The following WASF1 variants were observed in gnomAD, a reference collection of about 807,000 sequenced individuals.
WASF1 encodes actin-binding protein WASF1.
A neutral mutation model predicts 50.5 loss-of-function variants in WASF1; 7 were observed. That is an observed-to-expected ratio of 0.14 (90% CI 0.08 to 0.26). The LOEUF (loss-of-function observed/expected upper bound fraction) is 0.26, where lower values mean the gene tolerates loss of function less well. Ranked by LOEUF, WASF1 falls within the 10% of genes least tolerant of loss-of-function variation. The pLI, the probability that WASF1 is intolerant of heterozygous loss-of-function variation, is 1.00. For synonymous variants in WASF1, 205 were observed against 244.0 expected (o/e 0.84, Z 1.49); for missense variants, 470 against 694.7 (o/e 0.68, Z 3.64).
intron 3 of WASF1, among the ~76,000 whole-genome samples, chr6:110,141,209 G>A (rs1027325571): frequency 6.6e-6 from 1 of 151,910 alleles, no homozygotes; most frequent in South Asian, 2.1e-4. Flanking sequence ...TTGTTGTCAG[G>A]GTAAAGTCCA....
intron 6 of WASF1, 61 bp downstream of exon 6, chr6:110,108,467 T>C: frequency 6.7e-7 from 1 of 1,490,474 alleles, no homozygotes; most frequent in Admixed American, 2.0e-5. Context: ...GTTTGGGGAT[T>C]TAGCATTTCA....
Position 110,124,226 on chromosome 6 carries a change from C to CTCTCTCTCTCT in WASF1, c.133+3242_133+3243insAGAGAGAGAGA, listed in dbSNP as rs1195590873. 2.0e-4 allele frequency among the ~76,000 whole-genome samples: 12 copies of CTCTCTCTCTCT among 60,606 alleles called. 1 individual carries two copies. In the East Asian group the frequency reaches 2.4e-3, roughly 12 times the overall value. 39.8% of individuals were successfully genotyped at this position (60,606 alleles called of 152,430 possible). On this transcript the variant is annotated intron_variant, in intron 4 of 10. Coordinates refer to ENST00000392589, the MANE Select transcript of WASF1 (RefSeq NM_003931.3). Reference sequence around the variant, plus strand: ...CTCTCTCTCTCTCTCTCCTCTCTCTCCTCTCTCTCCTCTCTCTCTCTCTCT... The same window carrying CTCTCTCTCTCT: ...CTCTCTCTCTCTCTCTCCTCTCTCTCTCTCTCTCTCTCTCTCTCTCCTCTCTCTCTCTCTCT...
intron 2 of WASF1, among the ~76,000 whole-genome samples, chr6:110,175,286 G>C (rs935079894): frequency 2.0e-5 from 3 of 151,978 alleles, no homozygotes; most frequent in Non-Finnish European, 4.4e-5. Context: ...AGGAAACAAA[G>C]GAAACAATCC....
At chr6:110,144,882 T>C (rs1479965408) in intron 3 of WASF1, among the ~76,000 whole-genome samples, 2 of 152,188 alleles carry the variant, frequency 1.3e-5, no homozygotes, top group African/African-American at 4.8e-5. Context: ...TAGTTTGAAG[T>C]CAGGTAGCGT....
chr6:110,160,568 G>C (rs533845015), intron 3 of WASF1, 67 bp downstream of exon 3: 1 of 151,712 alleles, frequency 6.6e-6, no homozygotes, highest in Non-Finnish European at 1.5e-5. Flanking sequence ...GCAGAAATGA[G>C]AAGTAGCTTT....
At chr6:110,169,492 TA>T (rs1242735629) in intron 2 of WASF1, among the ~76,000 whole-genome samples, 4 of 152,138 alleles carry the variant, frequency 2.6e-5, no homozygotes, top group Non-Finnish European at 1.5e-5. Context: ...AAATTGCTGG[TA>T]AAACAGTTGC....
At chr6:110,128,068 C>T (rs1774494124) in intron 3 of WASF1, among the ~76,000 whole-genome samples, 1 of 152,096 alleles carries the variant, frequency 6.6e-6, no homozygotes, top group African/African-American at 2.4e-5. Context: ...AGAAGTTACA[C>T]ACAGATTTTC....
intron 5 of WASF1, among the ~76,000 whole-genome samples, chr6:110,111,934 G>A (rs866743366): frequency 6.6e-6 from 1 of 151,910 alleles, no homozygotes; most frequent in Admixed American, 6.6e-5. Context: ...CAAGGTATAC[G>A]TAGGTTGTGA....
At chr6:110,178,889 C>G (rs1051077557) in intron 1 of WASF1, 147 bp from the exon 2 acceptor site, 6 of 152,498 alleles carry the variant, frequency 3.9e-5, no homozygotes, top group African/African-American at 1.4e-4. Flanking sequence ...CCCCCATGAA[C>G]AGGCACCAGA....
chr6:110,121,064 G>A (rs543482298), intron 4 of WASF1, among the ~76,000 whole-genome samples: 4 of 152,250 alleles, frequency 2.6e-5, no homozygotes, highest in Admixed American at 6.5e-5. Context: ...TTAAATGTAA[G>A]ACCTAACACC....
intron 2 of WASF1, among the ~76,000 whole-genome samples, chr6:110,170,180 A>C (rs1165120104): frequency 6.6e-6 from 1 of 152,136 alleles, no homozygotes; most frequent in Non-Finnish European, 1.5e-5. Flanking sequence ...GAAACCATAC[A>C]AAGTGCTCAA....
intron 3 of WASF1, among the ~76,000 whole-genome samples, chr6:110,146,198 C>T (rs1775553949): frequency 6.6e-6 from 1 of 152,172 alleles, no homozygotes; most frequent in Non-Finnish European, 1.5e-5. Flanking sequence ...TAAAGGATTA[C>T]ATTATGTGAC....
At chr6:110,134,178 G>A (rs542128455) in intron 3 of WASF1, among the ~76,000 whole-genome samples, 3 of 151,844 alleles carry the variant, frequency 2.0e-5, no homozygotes, top group East Asian at 3.9e-4. Context: ...TCAGCCTCCC[G>A]AAGTGCTGGG....
chr6:110,138,824 A>G (rs934081355), intron 3 of WASF1, among the ~76,000 whole-genome samples: 8 of 152,188 alleles, frequency 5.3e-5, no homozygotes, highest in African/African-American at 1.2e-4. Context: ...AAAAGACACC[A>G]TAAGTTCTCA....
chr6:110,101,528 A>T, intron 10 of WASF1, 60 bp downstream of exon 10: 1 of 1,523,370 alleles, frequency 6.6e-7, no homozygotes, highest in Admixed American at 2.2e-5. Flanking sequence ...TTTGTCTTAA[A>T]TATTTAGAAA....
intron 3 of WASF1, among the ~76,000 whole-genome samples, chr6:110,137,117 A>G (rs1775004009): frequency 6.6e-6 from 1 of 152,202 alleles, no homozygotes; most frequent in Non-Finnish European, 1.5e-5. Flanking sequence ...ATAACTCAAA[A>G]TTTCTTAATT....
chr6:110,158,467 CT>C (rs1389914707), intron 3 of WASF1, among the ~76,000 whole-genome samples: 3 of 131,926 alleles, frequency 2.3e-5, no homozygotes, highest in African/African-American at 3.2e-5. Context: ...ATTAGTCTTG[CT>C]AGCGGTCTAT....
intron 4 of WASF1, among the ~76,000 whole-genome samples, chr6:110,126,021 A>T (rs1201395276): frequency 2.0e-5 from 3 of 152,166 alleles, no homozygotes; most frequent in Non-Finnish European, 4.4e-5. Flanking sequence ...AGATGCCTGT[A>T]CTGGATCCAC....
chr6:110,166,135 G>C (rs939624915), intron 2 of WASF1, among the ~76,000 whole-genome samples: 2 of 151,370 alleles, frequency 1.3e-5, no homozygotes, highest in Non-Finnish European at 3.0e-5. Context: ...ATATTATTTA[G>C]GGAATAAAGG....
Sources: gnomAD v4.1 joint callset for allele counts (sites outside exome capture counted in the v4.1 genomes callset) on GRCh38, gnomAD v4.1.1 for gene constraint, MANE v1.5 for transcripts, NCBI Gene and HGNC (gene_info 2026-07-23, HGNC 2026-07-21) for gene names.